Variants in ALDH1A2 observed in about 807,000 individuals in gnomAD.
The protein encoded by ALDH1A2 is retinal dehydrogenase 2.
A neutral mutation model predicts 60.3 loss-of-function variants in ALDH1A2; 27 were observed. The ratio of observed to expected loss-of-function variants is 0.45; its 90% CI spans 0.33 to 0.62. The LOEUF (loss-of-function observed/expected upper bound fraction) is 0.62, where lower values mean the gene tolerates loss of function less well. ALDH1A2 is among the 20% of genes least tolerant of loss of function. The pLI, the probability that ALDH1A2 is intolerant of heterozygous loss-of-function variation, is 0.02. For synonymous variants in ALDH1A2, 289 were observed against 232.4 expected (o/e 1.24, Z -2.21); for missense variants, 581 against 643.8 (o/e 0.90, Z 1.06).
At chr15:57,960,244 TTTATGCTCAATATTTGTTAGA>T (rs1893676675) in intron 12 of ALDH1A2, among the ~76,000 whole-genome samples, 1 of 152,196 alleles carries the variant, frequency 6.6e-6, no homozygotes, top group African/African-American at 2.4e-5. Context: ...TTTGTACATA[TTTATGCTCAATATTTGTTAGA>T]TTGTGAACTA....
In ALDH1A2 at chr15:57,964,079, G is replaced by A; in HGVS notation, c.902-10C>T. On this transcript the variant is annotated splice_polypyrimidine_tract_variant and intron_variant, in intron 8 of 12. Transcript: ENST00000249750. Reference sequence around the variant, plus strand: ...TCCACAGCATAGTCCACTACAAGAGGAAACAGCCATGTTCTCACCGCTTTG... The same window carrying A: ...TCCACAGCATAGTCCACTACAAGAGAAAACAGCCATGTTCTCACCGCTTTG... 1 of 1,613,846 alleles carries A rather than the reference G, an allele frequency of 6.2e-7. No homozygotes were observed. Among genetic ancestry groups the A allele is most frequent in the Non-Finnish European group, 8.5e-7 (1 of 1,179,956 alleles).
intron 4 of ALDH1A2, among the ~76,000 whole-genome samples, chr15:57,998,849 A>G (rs1895155183): frequency 6.6e-6 from 1 of 152,162 alleles, no homozygotes; most frequent in African/African-American, 2.4e-5. Flanking sequence ...GTACAAAAAC[A>G]GACACACAGA....
At chr15:57,967,241 C>G (rs1158037494) in intron 7 of ALDH1A2, among the ~76,000 whole-genome samples, 3 of 150,638 alleles carry the variant, frequency 2.0e-5, no homozygotes, top group South Asian at 4.2e-4. Flanking sequence ...TATTTACTAT[C>G]TGAGCCTTGG....
intron 1 of ALDH1A2, among the ~76,000 whole-genome samples, chr15:58,044,320 G>A (rs1408068931): frequency 6.6e-6 from 1 of 151,746 alleles, no homozygotes; most frequent in African/African-American, 2.4e-5. Flanking sequence ...CCCACCCACC[G>A]ACATGCCCCA....
intron 4 of ALDH1A2, among the ~76,000 whole-genome samples, chr15:57,998,229 G>T (rs1268663214): frequency 6.6e-6 from 1 of 151,874 alleles, no homozygotes; most frequent in African/African-American, 2.4e-5. Flanking sequence ...AGAAATAAAG[G>T]GCATTCAAAT....
chr15:57,977,211 C>T (rs576670514), intron 7 of ALDH1A2, among the ~76,000 whole-genome samples: 80 of 152,102 alleles, frequency 5.3e-4, no homozygotes, highest in Non-Finnish European at 1.0e-3. Context: ...TGCCTGTTCA[C>T]TCTGATGATA....
chr15:57,977,078 C>A (rs1239692214), intron 7 of ALDH1A2, among the ~76,000 whole-genome samples: 5 of 146,868 alleles, frequency 3.4e-5, no homozygotes, highest in Non-Finnish European at 7.5e-5. Flanking sequence ...TGTTCATATC[C>A]TTTGCCCACT....
At chr15:58,028,601 A>C (rs1213612653) in intron 1 of ALDH1A2, among the ~76,000 whole-genome samples, 5 of 152,218 alleles carry the variant, frequency 3.3e-5, no homozygotes, top group African/African-American at 1.2e-4. Context: ...AAAGACACAG[A>C]CTGCTAAATT....
chr15:57,975,088 A>C (rs1481337078), intron 7 of ALDH1A2, among the ~76,000 whole-genome samples: 1 of 152,254 alleles, frequency 6.6e-6, no homozygotes, highest in East Asian at 1.9e-4. Flanking sequence ...GATGTAAAGG[A>C]GTTCAAAGTC....
In ALDH1A2 at chr15:58,024,058, A is replaced by C. The variant is rs192146680; in HGVS notation, c.118-9777T>G. 1.8e-3 allele frequency among the ~76,000 whole-genome samples: 276 copies of C among 152,296 alleles called. 2 individuals are homozygous for C. Among genetic ancestry groups the C allele is most frequent in the Non-Finnish European group, 1.8e-3 (120 of 68,020 alleles). On this transcript the variant is annotated intron_variant, in intron 1 of 12. Transcript: ENST00000249750. ...CAGTGAGCTGAGATTGCACCATTGCACTCCAGCCTGGGCAACAAAAGCAAA... is the reference window on the plus strand; with the variant it reads ...CAGTGAGCTGAGATTGCACCATTGCCCTCCAGCCTGGGCAACAAAAGCAAA...
chr15:58,061,745 AT>A (rs1222350016), intron 1 of ALDH1A2, among the ~76,000 whole-genome samples: 2 of 151,946 alleles, frequency 1.3e-5, no homozygotes, highest in Non-Finnish European at 2.9e-5. Context: ...TATTCTATTT[AT>A]TTCTACTCTC....
chr15:58,028,985 C>A (rs1896157026), intron 1 of ALDH1A2, among the ~76,000 whole-genome samples: 2 of 152,066 alleles, frequency 1.3e-5, no homozygotes. Context: ...ATATTAGATA[C>A]ATCTACAAGA....
chr15:58,014,638 A>G (rs1895738409), intron 1 of ALDH1A2: 1 of 428,528 alleles, frequency 2.3e-6, no homozygotes, highest in African/African-American at 2.0e-5. Flanking sequence ...TAAATAGCAG[A>G]TCAAACTTAC....
chr15:57,986,711 C>T (rs115288522), intron 7 of ALDH1A2, among the ~76,000 whole-genome samples: 1,823 of 152,160 alleles, frequency 0.012, 18 homozygotes, highest in Non-Finnish European at 0.019. Flanking sequence ...TCACTCCCGT[C>T]GCCCAGGCTG....
chr15:58,000,284 G>A (rs1387680830), intron 4 of ALDH1A2, among the ~76,000 whole-genome samples: 2 of 151,836 alleles, frequency 1.3e-5, no homozygotes, highest in Non-Finnish European at 2.9e-5. Flanking sequence ...AGTCTGATCT[G>A]GGGTGCCTGA....
At chr15:58,021,666 C>T (rs1434348604) in intron 1 of ALDH1A2, among the ~76,000 whole-genome samples, 2 of 152,238 alleles carry the variant, frequency 1.3e-5, no homozygotes, top group African/African-American at 4.8e-5. Flanking sequence ...CCAAACCTAG[C>T]CTTTGACAAA....
At chr15:58,035,304 T>C (rs1896350406) in intron 1 of ALDH1A2, among the ~76,000 whole-genome samples, 1 of 151,650 alleles carries the variant, frequency 6.6e-6, no homozygotes, top group Non-Finnish European at 1.5e-5. Flanking sequence ...AGTCCCTCTT[T>C]CATTTCTGAT....
chr15:57,999,402 A>G (rs1334419810), intron 4 of ALDH1A2, among the ~76,000 whole-genome samples: 1 of 152,128 alleles, frequency 6.6e-6, no homozygotes, highest in African/African-American at 2.4e-5. Flanking sequence ...ACACTTCTCA[A>G]AAGAAGACAG....
chr15:57,958,225 C>A (rs1893602724), intron 12 of ALDH1A2, among the ~76,000 whole-genome samples: 1 of 152,226 alleles, frequency 6.6e-6, no homozygotes, highest in African/African-American at 2.4e-5. Context: ...CACACACACA[C>A]ATAAATTTGA....
Sources: allele counts gnomAD v4.1 joint callset (sites outside exome capture counted in the v4.1 genomes callset), GRCh38; gene constraint gnomAD v4.1.1; transcripts MANE v1.5; gene names NCBI Gene and HGNC (gene_info 2026-07-23, HGNC 2026-07-21).